Variants in GRIK4 observed in about 807,000 individuals in gnomAD.
GRIK4 encodes glutamate ionotropic receptor kainate type subunit 4, also known as glutamate receptor ionotropic, kainate 4.
GRIK4 carries 40 observed loss-of-function variants against 104.9 expected under a neutral mutation model. The observed-to-expected ratio is 0.38, with a 90% CI of 0.30 to 0.50. The LOEUF is 0.50. Ranked by LOEUF, GRIK4 falls within the 20% of genes least tolerant of loss-of-function variation. The probability of loss-of-function intolerance (pLI) is 0.93; values close to 1 mark genes in which losing one functional copy is unlikely to be tolerated. For missense variants in GRIK4, 1,047 were observed against 1,308.1 expected, an observed-to-expected ratio of 0.80 and a Z score of 3.08; for synonymous variants, 485 against 524.9, an observed-to-expected ratio of 0.92 and a Z score of 1.04.
chr11:120,854,483 T>A (rs1415156419), intron 8 of GRIK4, among the ~76,000 whole-genome samples: 1 of 152,216 alleles, frequency 6.6e-6, no homozygotes, highest in Non-Finnish European at 1.5e-5. Flanking sequence ...AGGTTGCCTG[T>A]GGCCCTGCTG....
chr11:120,958,385 G>A (rs746891751), intron 16 of GRIK4, among the ~76,000 whole-genome samples: 15 of 152,220 alleles, frequency 9.9e-5, no homozygotes, highest in Admixed American at 5.2e-4. Flanking sequence ...AATGCAAGCC[G>A]CCGTGACAGG....
intron 6 of GRIK4, among the ~76,000 whole-genome samples, chr11:120,826,679 G>A (rs1006761510): frequency 4.6e-5 from 7 of 152,154 alleles, no homozygotes; most frequent in African/African-American, 1.2e-4. Flanking sequence ...GGCCAAACAC[G>A]GCCACCTACG....
intron 1 of GRIK4, among the ~76,000 whole-genome samples, chr11:120,593,857 G>C (rs887677691): frequency 7.2e-5 from 11 of 152,064 alleles, no homozygotes; most frequent in Admixed American, 3.9e-4. Context: ...AAGACCAAAA[G>C]AATGGGAGTC....
chr11:120,688,913 C>T (rs1301890538), intron 3 of GRIK4, among the ~76,000 whole-genome samples: 2 of 152,104 alleles, frequency 1.3e-5, no homozygotes, highest in Non-Finnish European at 2.9e-5. Context: ...TATGGATATT[C>T]CCTTCCATCA....
intron 3 of GRIK4, among the ~76,000 whole-genome samples, chr11:120,766,555 G>A (rs975101670): frequency 6.6e-6 from 1 of 152,156 alleles, no homozygotes; most frequent in Non-Finnish European, 1.5e-5. Context: ...GCCCAGTTTC[G>A]TGCTTGAAAC....
At chr11:120,972,820 T>A (rs997900424) in intron 19 of GRIK4, among the ~76,000 whole-genome samples, 13 of 152,094 alleles carry the variant, frequency 8.5e-5, no homozygotes, top group Non-Finnish European at 1.5e-5. Flanking sequence ...TGTACTGTGG[T>A]ATGACGCATA....
intron 1 of GRIK4, among the ~76,000 whole-genome samples, chr11:120,568,743 G>A (rs528926323): frequency 7.1e-4 from 108 of 152,228 alleles, no homozygotes; most frequent in South Asian, 2.1e-4. Flanking sequence ...CTCTCCTCTT[G>A]TGCAATCCTT....
At chr11:120,755,490 C>T (rs1951636426) in intron 3 of GRIK4, among the ~76,000 whole-genome samples, 1 of 152,002 alleles carries the variant, frequency 6.6e-6, no homozygotes, top group Admixed American at 6.6e-5. Context: ...AGCACTTAGT[C>T]TTAGCTACTT....
At chr11:120,899,325 G>A (rs1942669485) in intron 12 of GRIK4, among the ~76,000 whole-genome samples, 1 of 151,144 alleles carries the variant, frequency 6.6e-6, no homozygotes, top group Non-Finnish European at 1.5e-5. Flanking sequence ...GGAGGCTGAG[G>A]CACGAGAATC....
chr11:120,615,859 C>T (rs1246964161), intron 1 of GRIK4, among the ~76,000 whole-genome samples: 2 of 151,834 alleles, frequency 1.3e-5, no homozygotes, highest in Admixed American at 1.3e-4. Flanking sequence ...TATGTGTCCC[C>T]CTACTTCTCT....
At chr11:120,944,794 T>G (rs1201893416) in intron 14 of GRIK4, among the ~76,000 whole-genome samples, 2 of 152,234 alleles carry the variant, frequency 1.3e-5, no homozygotes, top group East Asian at 3.8e-4. Context: ...TATTCCCAGC[T>G]TTTACAGTTA....
intron 1 of GRIK4, among the ~76,000 whole-genome samples, chr11:120,636,290 C>CCCTA (rs1331982948): frequency 6.6e-6 from 1 of 152,146 alleles, no homozygotes; most frequent in Non-Finnish European, 1.5e-5. Flanking sequence ...GTCTTCTGAC[C>CCCTA]CCTACCCCAG....
rs76958902 is a variant in GRIK4, at chr11:120,751,154, C to G, written c.83-51539C>G. On this transcript the variant is annotated intron_variant, in intron 3 of 20. Transcript: ENST00000527524. ...CATGGCCCCCCAGGCTTGCTCACCACCCAGACTCCCTACTTCAAGCACAAT... is the reference window on the plus strand; with the variant it reads ...CATGGCCCCCCAGGCTTGCTCACCAGCCAGACTCCCTACTTCAAGCACAAT... Among the ~76,000 whole-genome samples the G allele has an allele frequency of 7.7e-3, 1,174 of 152,058 alleles. 15 individuals are homozygous for G. The highest frequency in any genetic ancestry group is 0.026 in the African/African-American group (1,064 of 41,490).
intron 6 of GRIK4, among the ~76,000 whole-genome samples, chr11:120,826,204 C>T (rs1229457316): frequency 6.6e-6 from 1 of 152,192 alleles, no homozygotes; most frequent in African/African-American, 2.4e-5. Flanking sequence ...GAGAGATTAT[C>T]TCCATCTTCA....
At chr11:120,778,282 GT>G (rs1163556085) in intron 3 of GRIK4, among the ~76,000 whole-genome samples, 1 of 152,214 alleles carries the variant, frequency 6.6e-6, no homozygotes, top group Non-Finnish European at 1.5e-5. Context: ...GTTGAAAAGT[GT>G]CTTTGAGAGA....
rs143339514 is a variant in GRIK4, at chr11:120,694,540, C to T, written c.82+34140C>T. 7.0e-4 allele frequency among the ~76,000 whole-genome samples: 107 copies of T among 152,336 alleles called. No individual in the cohort carries two copies. The East Asian group carries it at 0.018, about 26-fold the overall frequency. On this transcript the variant is annotated intron_variant, in intron 3 of 20. Transcript: ENST00000527524. ...TTCCCCACCCACCCCCCAACCCAAC[C>T]TCTCAACATTTCACTGCAGCCACTG...
At chr11:120,820,409 C>G (rs969184975) in intron 6 of GRIK4, among the ~76,000 whole-genome samples, 4 of 152,312 alleles carry the variant, frequency 2.6e-5, no homozygotes, top group Admixed American at 2.6e-4. Context: ...GCTGATGGAA[C>G]AAGGTCCGAG....
chr11:120,541,140 C>T (rs1017665164), intron 1 of GRIK4, among the ~76,000 whole-genome samples: 2 of 152,236 alleles, frequency 1.3e-5, no homozygotes, highest in Admixed American at 6.5e-5. Flanking sequence ...ACATCTGGGC[C>T]CTTGCCGGTG....
chr11:120,977,209 C>G (rs1366775393), intron 19 of GRIK4, among the ~76,000 whole-genome samples: 1 of 152,208 alleles, frequency 6.6e-6, no homozygotes, highest in African/African-American at 2.4e-5. Context: ...TGCTGGGGCA[C>G]AGCTGAGCCT....
Sources: gnomAD v4.1 joint callset for allele counts (sites outside exome capture counted in the v4.1 genomes callset) on GRCh38, gnomAD v4.1.1 for gene constraint, MANE v1.5 for transcripts, NCBI Gene and HGNC (gene_info 2026-07-23, HGNC 2026-07-21) for gene names.